PPM1E: variants seen among roughly 807,000 people sequenced by gnomAD.
The protein encoded by PPM1E is protein phosphatase 1E.
In PPM1E, 20 loss-of-function variants were observed where a neutral mutation model predicts 65.9. The observed-to-expected ratio is 0.30, with a 90% CI of 0.21 to 0.44. The LOEUF (loss-of-function observed/expected upper bound fraction) is 0.44, where lower values mean the gene tolerates loss of function less well. PPM1E is among the 20% of genes least tolerant of loss of function. The pLI, the probability that PPM1E is intolerant of heterozygous loss-of-function variation, is 1.00. For synonymous variants in PPM1E, 352 were observed against 374.9 expected (o/e 0.94, Z 0.70); for missense variants, 713 against 953.1 (o/e 0.75, Z 3.32).
intron 1 of PPM1E, among the ~76,000 whole-genome samples, chr17:58,846,030 A>G (rs149351798): frequency 3.9e-4 from 60 of 152,260 alleles, no homozygotes; most frequent in African/African-American, 1.4e-3. Flanking sequence ...GTATATATGT[A>G]CCACATTTTG....
intron 1 of PPM1E, among the ~76,000 whole-genome samples, chr17:58,935,775 G>T (rs2051971723): frequency 6.6e-6 from 1 of 151,846 alleles, no homozygotes. Context: ...TGGTTGGTAA[G>T]ATTATACTGT....
rs544178526 is a variant in PPM1E, at chr17:58,853,447, A to G, written c.464+96986A>G. ...GCAAGGATGCATTTCTGGACTCCCTATTGTATTTAGTTGTTCTACATATGT... is the reference window on the plus strand; with the variant it reads ...GCAAGGATGCATTTCTGGACTCCCTGTTGTATTTAGTTGTTCTACATATGT... On this transcript the variant is annotated intron_variant, in intron 1 of 6. Transcript: ENST00000308249. Among the ~76,000 whole-genome samples, 137 of 152,214 alleles carry G rather than the reference A, an allele frequency of 9.0e-4. 1 individual carries two copies. The highest frequency in any genetic ancestry group is 8.3e-3 in the South Asian group (40 of 4,822).
At chr17:58,883,506 C>T (rs1852949593) in intron 1 of PPM1E, among the ~76,000 whole-genome samples, 1 of 115,992 alleles carries the variant, frequency 8.6e-6, no homozygotes, top group Admixed American at 9.9e-5. Context: ...TTTTTTGAGA[C>T]GGAGTCTCGC....
chr17:58,763,696 T>C (rs1473484914), intron 1 of PPM1E, among the ~76,000 whole-genome samples: 1 of 152,170 alleles, frequency 6.6e-6, no homozygotes, highest in African/African-American at 2.4e-5. Flanking sequence ...CCAGCAGTAC[T>C]GTATGAGGAG....
intron 1 of PPM1E, among the ~76,000 whole-genome samples, chr17:58,924,475 CA>C (rs1287694823): frequency 6.6e-6 from 1 of 152,054 alleles, no homozygotes; most frequent in African/African-American, 2.4e-5. Flanking sequence ...TGCTTGAGCC[CA>C]GGAGTTCAAG....
At chr17:58,845,232 C>CAA (rs950340298) in intron 1 of PPM1E, among the ~76,000 whole-genome samples, 25 of 151,270 alleles carry the variant, frequency 1.7e-4, no homozygotes, top group African/African-American at 5.8e-4. Flanking sequence ...TAACATATAG[C>CAA]AACCTAGCAA....
At chr17:58,787,041 A>G (rs2050107287) in intron 1 of PPM1E, among the ~76,000 whole-genome samples, 1 of 152,222 alleles carries the variant, frequency 6.6e-6, no homozygotes, top group Non-Finnish European at 1.5e-5. Flanking sequence ...GGCCCATTTA[A>G]CATTACAATA....
In PPM1E at chr17:58,982,829, G is replaced by C; in HGVS notation, c.*1798G>C. 7.5e-7 allele frequency: 1 copy of C among 1,329,282 alleles called. No homozygotes were observed. Among genetic ancestry groups the C allele is most frequent in the Non-Finnish European group, 1.1e-6 (1 of 946,762 alleles). 82.3% of individuals were successfully genotyped at this position (1,329,282 alleles called of 1,614,324 possible). On this transcript the variant is annotated 3_prime_UTR_variant, in exon 7 of 7. Transcript: ENST00000308249. ...AACCTTTTCATCATTCTGAGGCTTT[G>C]CCCCACACATGGTCCTCACTCATAT...
intron 1 of PPM1E, among the ~76,000 whole-genome samples, chr17:58,873,393 T>A (rs2051092588): frequency 6.6e-6 from 1 of 151,870 alleles, no homozygotes; most frequent in Non-Finnish European, 1.5e-5. Flanking sequence ...CCAATTTGAG[T>A]CTGAAATATC....
chr17:58,873,274 T>C (rs1472306628), intron 1 of PPM1E, among the ~76,000 whole-genome samples: 1 of 152,218 alleles, frequency 6.6e-6, no homozygotes, highest in East Asian at 1.9e-4. Context: ...AAATATTTTA[T>C]TGCACTATTT....
chr17:58,850,133 A>G (rs1005892594), intron 1 of PPM1E, among the ~76,000 whole-genome samples: 22 of 151,746 alleles, frequency 1.4e-4, no homozygotes, highest in African/African-American at 5.3e-4. Flanking sequence ...TGCTTGGTAG[A>G]TCTTCCTCCA....
At chr17:58,953,872 C>T (rs751654744) in intron 1 of PPM1E, among the ~76,000 whole-genome samples, 9 of 151,898 alleles carry the variant, frequency 5.9e-5, no homozygotes, top group African/African-American at 1.5e-4. Flanking sequence ...CTCAGCCTTC[C>T]GAGCAGCTGG....
At chr17:58,839,585 G>T (rs1210554897) in intron 1 of PPM1E, among the ~76,000 whole-genome samples, 1 of 152,152 alleles carries the variant, frequency 6.6e-6, no homozygotes, top group Non-Finnish European at 1.5e-5. Flanking sequence ...TAAATGCATT[G>T]TTGCTATACT....
chr17:58,955,463 C>G, intron 1 of PPM1E, 186 bp from the exon 2 acceptor site: 1 of 671,192 alleles, frequency 1.5e-6, no homozygotes, highest in Non-Finnish European at 2.6e-6. Flanking sequence ...GGAGCCATGT[C>G]TGTGTTATGC....
At chr17:58,762,480 A>G (rs143011944) in intron 1 of PPM1E, among the ~76,000 whole-genome samples, 52 of 152,162 alleles carry the variant, frequency 3.4e-4, no homozygotes, top group Non-Finnish European at 6.9e-4. Context: ...AAAAGTTTCT[A>G]TGACAAAATC....
intron 1 of PPM1E, among the ~76,000 whole-genome samples, chr17:58,879,492 T>C (rs2051165329): frequency 6.8e-6 from 1 of 146,874 alleles, no homozygotes; most frequent in African/African-American, 2.5e-5. Flanking sequence ...GATTAGGTGC[T>C]GAGATTAACT....
intron 1 of PPM1E, among the ~76,000 whole-genome samples, chr17:58,816,128 C>T (rs990203340): frequency 3.9e-5 from 6 of 151,988 alleles, no homozygotes; most frequent in Non-Finnish European, 8.8e-5. Context: ...TGGGTTCAAG[C>T]AGTTCTCCTG....
chr17:58,969,761 T>G, intron 4 of PPM1E, 34 bp downstream of exon 4: 1 of 1,597,130 alleles, frequency 6.3e-7, no homozygotes, highest in Non-Finnish European at 8.6e-7. Flanking sequence ...CAGCTAGAAA[T>G]GTACTAGCTG....
intron 1 of PPM1E, among the ~76,000 whole-genome samples, chr17:58,829,230 C>T (rs906203262): frequency 2.0e-5 from 3 of 152,006 alleles, no homozygotes; most frequent in East Asian, 1.9e-4. Context: ...TCAGTAGAGA[C>T]GGGGTTTCTC....
Sources: allele counts gnomAD v4.1 joint callset (sites outside exome capture counted in the v4.1 genomes callset), GRCh38; gene constraint gnomAD v4.1.1; transcripts MANE v1.5; gene names NCBI Gene and HGNC (gene_info 2026-07-23, HGNC 2026-07-21).